GABRB3: variants seen among roughly 807,000 people sequenced by gnomAD.
The protein encoded by GABRB3 is gamma-aminobutyric acid type A receptor subunit beta3, also known as gamma-aminobutyric acid receptor subunit beta-3.
In GABRB3, 14 loss-of-function variants were observed where a neutral mutation model predicts 52.1. That is an observed-to-expected ratio of 0.27 (90% confidence interval 0.18 to 0.42). The LOEUF is 0.42. GABRB3 is among the 10% of genes least tolerant of loss of function. GABRB3 has a pLI of 1.00. For missense variants in GABRB3, 307 were observed against 609.1 expected, an observed-to-expected ratio of 0.50 and a Z score of 5.22; for synonymous variants, 260 against 232.3, an observed-to-expected ratio of 1.12 and a Z score of -1.08.
intron 3 of GABRB3, among the ~76,000 whole-genome samples, chr15:26,762,679 AGC>A (rs753726054): frequency 7.9e-5 from 12 of 152,226 alleles, no homozygotes; most frequent in Admixed American, 7.2e-4. Flanking sequence ...ATATTATTTG[AGC>A]AGAAACACTT....
intron 4 of GABRB3, among the ~76,000 whole-genome samples, chr15:26,584,560 G>C (rs1421443503): frequency 1.3e-5 from 2 of 152,042 alleles, no homozygotes; most frequent in Non-Finnish European, 2.9e-5. Context: ...AAATTGGGTG[G>C]GTAAGTTCTC....
At chr15:26,743,023 G>C (rs1301566725) in intron 3 of GABRB3, among the ~76,000 whole-genome samples, 1 of 132,532 alleles carries the variant, frequency 7.5e-6, no homozygotes, top group Non-Finnish European at 1.5e-5. Flanking sequence ...TCCGCCTCCC[G>C]GGTTCAAGTG....
chr15:26,724,197 C>T (rs74004654), intron 3 of GABRB3, among the ~76,000 whole-genome samples: 3,460 of 152,312 alleles, frequency 0.023, 126 homozygotes, highest in African/African-American at 0.08. Context: ...TGAAACTCTT[C>T]TTTTCTCCTC....
At position 26,621,683 on chromosome 15, in the gene GABRB3, T is replaced by C. The variant is rs955181231; in HGVS notation, c.241-149A>G. On this transcript the variant is annotated intron_variant, in intron 3 of 8. Transcript: ENST00000311550. This position sits in a 1 kb window ranked among gnomAD's most constrained non-coding sequence, Gnocchi z 4.1. ...CATTTTTATGCAGAATGGGAAGCAA[T>C]GGCTGCTTTCTTGTGAATGCAAATA... The C allele has an allele frequency of 4.6e-6, 3 of 656,540 alleles. No individual in the cohort carries two copies. The highest frequency in any genetic ancestry group is 8.0e-6 in the Non-Finnish European group (3 of 375,222). The allele number at this position is 656,540 out of a possible 1,614,324, so 40.7% of individuals were successfully genotyped here. A position where few individuals can be genotyped will look rare whatever the true frequency, so the allele number is the denominator to read the frequency against.
intron 3 of GABRB3, among the ~76,000 whole-genome samples, chr15:26,680,602 T>C (rs1171133775): frequency 1.3e-5 from 2 of 152,240 alleles, no homozygotes; most frequent in Non-Finnish European, 2.9e-5. Context: ...TTCCTAAACT[T>C]GTTCTTCTCT....
intron 3 of GABRB3, among the ~76,000 whole-genome samples, chr15:26,634,646 A>G (rs1303398322): frequency 6.6e-6 from 1 of 152,056 alleles, no homozygotes; most frequent in African/African-American, 2.4e-5. Flanking sequence ...TGGGTTAAAT[A>G]GAATAATATA....
At chr15:26,610,978 A>G (rs1266128710) in intron 4 of GABRB3, among the ~76,000 whole-genome samples, 1 of 152,228 alleles carries the variant, frequency 6.6e-6, no homozygotes, top group East Asian at 1.9e-4. Flanking sequence ...ACATTGTTTG[A>G]GAAATGACTA....
At chr15:26,725,287 C>G (rs1000607024) in intron 3 of GABRB3, among the ~76,000 whole-genome samples, 1 of 152,170 alleles carries the variant, frequency 6.6e-6, no homozygotes, top group Non-Finnish European at 1.5e-5. Flanking sequence ...GGTGTCTTTT[C>G]AGGCTGATGC....
intron 3 of GABRB3, 126 bp downstream of exon 3, chr15:26,772,276 C>G: frequency 1.3e-6 from 1 of 788,868 alleles, no homozygotes; most frequent in East Asian, 3.1e-5. Context: ...GGGAGCGCGG[C>G]TCCCTCTGCG....
rs2059609986 is a variant in GABRB3 at position 26,544,998 on chromosome 15, A to G, written c.*2795T>C. ...ACGAGAGGTCATTTTAACACAACAGAGACTCCAATTCAACTCTCTTCTGTT... is the reference window on the plus strand; with the variant it reads ...ACGAGAGGTCATTTTAACACAACAGGGACTCCAATTCAACTCTCTTCTGTT... On this transcript the variant is annotated 3_prime_UTR_variant, in exon 9 of 9. Coordinates refer to ENST00000311550, the MANE Select transcript of GABRB3 (RefSeq NM_000814.6). 1.3e-5 allele frequency: 2 copies of G among 152,712 alleles called. No homozygotes were observed. The highest frequency in any genetic ancestry group is 1.9e-4 in the East Asian group (1 of 5,186). The allele number at this position is 152,712 out of a possible 1,614,324, so 9.5% of individuals were successfully genotyped here.
At chr15:26,764,173 AAAAAAAATATATATATATATATATATAT>A (rs1259790054) in intron 3 of GABRB3, among the ~76,000 whole-genome samples, 313 of 15,340 alleles carry the variant, frequency 0.02, 31 homozygotes, top group Admixed American at 0.054. Flanking sequence ...AAAAAAAAAA[AAAAAAAATATATATATATATATATATAT>A]ATATATATAT....
At chr15:26,652,719 T>G (rs1480412341) in intron 3 of GABRB3, among the ~76,000 whole-genome samples, 1 of 152,184 alleles carries the variant, frequency 6.6e-6, no homozygotes, top group East Asian at 1.9e-4. Flanking sequence ...CGGGAAGATT[T>G]GCAGTTTCCT....
chr15:26,588,832 C>T (rs1037214643), intron 4 of GABRB3, among the ~76,000 whole-genome samples: 2 of 152,170 alleles, frequency 1.3e-5, no homozygotes, highest in African/African-American at 4.8e-5. Flanking sequence ...CCAACAGCTT[C>T]CCACCCATTG....
chr15:26,670,197 G>C (rs887653034), intron 3 of GABRB3, among the ~76,000 whole-genome samples: 6 of 152,212 alleles, frequency 3.9e-5, no homozygotes, highest in African/African-American at 1.4e-4. Flanking sequence ...GCGGGTAAGC[G>C]GGGCGGGGCG....
chr15:26,610,790 C>T (rs1892040672), intron 4 of GABRB3, among the ~76,000 whole-genome samples: 1 of 152,164 alleles, frequency 6.6e-6, no homozygotes, highest in Non-Finnish European at 1.5e-5. Context: ...GTTTGTATTG[C>T]TATCTCATTG....
intron 3 of GABRB3, among the ~76,000 whole-genome samples, chr15:26,742,173 T>C (rs1293772701): frequency 6.6e-6 from 1 of 152,172 alleles, no homozygotes; most frequent in Admixed American, 6.5e-5. Context: ...TCATTGATAC[T>C]GACTGCCTCC....
chr15:26,725,830 G>A (rs1446660578), intron 3 of GABRB3, among the ~76,000 whole-genome samples: 6 of 152,104 alleles, frequency 3.9e-5, no homozygotes, highest in Non-Finnish European at 8.8e-5. Flanking sequence ...TAATAATTTT[G>A]TGCATGAAAC....
At chr15:26,767,179 G>A (rs1490218446) in intron 3 of GABRB3, 1 of 152,150 alleles carries the variant, frequency 6.6e-6, no homozygotes, top group East Asian at 1.9e-4. Flanking sequence ...CTAGAGCCAA[G>A]CACAGACACA....
chr15:26,644,998 CT>C (rs1477518039), intron 3 of GABRB3, among the ~76,000 whole-genome samples: 1 of 152,188 alleles, frequency 6.6e-6, no homozygotes, highest in Non-Finnish European at 1.5e-5. Context: ...AATTTCAACA[CT>C]TTTTGTAAGA....
Sources: allele counts gnomAD v4.1 joint callset (sites outside exome capture counted in the v4.1 genomes callset), GRCh38; gene constraint gnomAD v4.1.1; non-coding constraint Gnocchi (gnomAD v3.1); transcripts MANE v1.5; gene names NCBI Gene and HGNC (gene_info 2026-07-23, HGNC 2026-07-21).